The following RGS7 variants were observed in gnomAD, a reference collection of about 807,000 sequenced individuals.
RGS7 encodes regulator of G protein signaling 7, also known as regulator of G-protein signaling 7.
A neutral mutation model predicts 81.1 loss-of-function variants in RGS7; 27 were observed. The observed-to-expected ratio is 0.33, with a 90% CI of 0.25 to 0.46. RGS7 has a LOEUF of 0.46. Among genes scored for constraint, RGS7 ranks in the 20% least tolerant of loss-of-function variants. The pLI is 1.00. For synonymous variants in RGS7, 208 were observed against 207.7 expected, an observed-to-expected ratio of 1.00 and a Z score of -0.01; for missense variants, 396 against 607.4, an observed-to-expected ratio of 0.65 and a Z score of 3.66.
chr1:241,005,520 C>A (rs926197323), intron 3 of RGS7, among the ~76,000 whole-genome samples: 1 of 151,924 alleles, frequency 6.6e-6, no homozygotes, highest in African/African-American at 2.4e-5. Flanking sequence ...CACTTGCTAG[C>A]GTCTGGCTTC....
intron 2 of RGS7, among the ~76,000 whole-genome samples, chr1:241,215,034 T>C (rs2147947952): frequency 6.6e-6 from 1 of 152,328 alleles, no homozygotes; most frequent in South Asian, 2.1e-4. Flanking sequence ...AAATTATTTT[T>C]TCTTGACTAT....
intron 2 of RGS7, among the ~76,000 whole-genome samples, chr1:241,175,446 C>T (rs1375468599): frequency 2.6e-5 from 4 of 152,098 alleles, no homozygotes; most frequent in African/African-American, 7.2e-5. Flanking sequence ...GAATGGTCTC[C>T]CAGGACTCCA....
At chr1:240,793,613 T>TA (rs1558259636) in intron 18 of RGS7, among the ~76,000 whole-genome samples, 94 of 88,338 alleles carry the variant, frequency 1.1e-3, no homozygotes, top group East Asian at 8.4e-3. Flanking sequence ...ATATATATAT[T>TA]TTTTTTTTTT....
intron 2 of RGS7, among the ~76,000 whole-genome samples, chr1:241,280,562 A>G (rs2078444371): frequency 6.6e-6 from 1 of 152,242 alleles, no homozygotes; most frequent in Non-Finnish European, 1.5e-5. Context: ...CAGTGGTGCA[A>G]TCACAGCTCA....
intron 4 of RGS7, among the ~76,000 whole-genome samples, chr1:240,981,350 T>C (rs1337326221): frequency 6.6e-6 from 1 of 152,170 alleles, no homozygotes; most frequent in Non-Finnish European, 1.5e-5. Flanking sequence ...GAGCTCGTGA[T>C]CCACCCACCT....
At chr1:240,782,009 C>G (rs960209061) in intron 18 of RGS7, among the ~76,000 whole-genome samples, 1 of 144,106 alleles carries the variant, frequency 6.9e-6, no homozygotes, top group African/African-American at 2.8e-5. Flanking sequence ...AGTGAGACTC[C>G]GTCTCAAAAA....
rs538775187 is a variant in RGS7, at chr1:240,999,514, C to G, written c.176-16385G>C. Among the ~76,000 whole-genome samples the G allele has an allele frequency of 3.3e-5, 5 of 152,278 alleles. No homozygotes were observed. The South Asian group carries it at 1.0e-3, about 32-fold the overall frequency. ...AAATCTTTGTAAGCTAATCTATTAA[C>G]TCTGTCATCTCAATCTTGACCACTA... On this transcript the variant is annotated intron_variant, in intron 3 of 18. Transcript: ENST00000440928.
intron 2 of RGS7, among the ~76,000 whole-genome samples, chr1:241,251,271 GC>G (rs1468833350): frequency 5.3e-5 from 8 of 152,022 alleles, no homozygotes; most frequent in Admixed American, 5.2e-4. Context: ...TAACTTTGAA[GC>G]CCGGGCTTCA....
At chr1:241,127,556 C>A (rs976792049) in intron 2 of RGS7, among the ~76,000 whole-genome samples, 3 of 151,852 alleles carry the variant, frequency 2.0e-5, no homozygotes, top group African/African-American at 4.8e-5. Flanking sequence ...GTGGGGGGAG[C>A]GGGGAGGGAT....
intron 2 of RGS7, among the ~76,000 whole-genome samples, chr1:241,213,189 A>T (rs2074345893): frequency 6.6e-6 from 1 of 152,200 alleles, no homozygotes; most frequent in East Asian, 1.9e-4. Context: ...GTTTACAAGC[A>T]TGTCCTTGGG....
chr1:241,106,716 CAAA>C (rs757488665), intron 2 of RGS7, among the ~76,000 whole-genome samples: 7 of 34,048 alleles, frequency 2.1e-4, no homozygotes, highest in African/African-American at 3.2e-4. Flanking sequence ...ACTCCGTCTC[CAAA>C]AAAAAAAAAA....
chr1:241,296,606 C>T (rs1356061422), intron 2 of RGS7, among the ~76,000 whole-genome samples: 1 of 152,200 alleles, frequency 6.6e-6, no homozygotes, highest in Non-Finnish European at 1.5e-5. Context: ...GGAAGACGTT[C>T]ATCTCTTGAG....
chr1:241,292,312 AT>A (rs2079135432), intron 2 of RGS7, among the ~76,000 whole-genome samples: 1 of 152,218 alleles, frequency 6.6e-6, no homozygotes, highest in African/African-American at 2.4e-5. Flanking sequence ...ATTATTAAGT[AT>A]TATGTACTGT....
In RGS7 at chr1:241,140,547, G is replaced by A. The variant is rs537294962; in HGVS notation, c.79-41785C>T. Among the ~76,000 whole-genome samples, 5 of 152,248 alleles carry A rather than the reference G, an allele frequency of 3.3e-5. No individual in the cohort carries two copies. In the East Asian group the frequency reaches 9.7e-4, roughly 29 times the overall value. On this transcript the variant is annotated intron_variant, in intron 2 of 18. Transcript: ENST00000440928. ...GCCTGCTGAGTAGCTAGGACTACGG[G>A]CAAGTGCCACCATGCTTGGCTAATT...
At chr1:241,327,130 G>GA (rs1256887903) in intron 2 of RGS7, among the ~76,000 whole-genome samples, 6 of 101,942 alleles carry the variant, frequency 5.9e-5, no homozygotes, top group East Asian at 6.4e-4. Context: ...AAGAAAGAAA[G>GA]AAAGAAAGAA....
intron 10 of RGS7, among the ~76,000 whole-genome samples, chr1:240,821,782 T>C (rs1377749885): frequency 6.6e-6 from 1 of 152,164 alleles, no homozygotes; most frequent in Admixed American, 6.5e-5. Context: ...TGCCATGATG[T>C]CCAAATGAAG....
At chr1:241,124,736 G>A (rs1323866142) in intron 2 of RGS7, among the ~76,000 whole-genome samples, 1 of 152,210 alleles carries the variant, frequency 6.6e-6, no homozygotes, top group Non-Finnish European at 1.5e-5. Context: ...GCAGAAACAG[G>A]AAGGGCCCCC....
At chr1:241,356,780 G>T (rs2083605629) in intron 1 of RGS7, 119 bp downstream of exon 1, 1 of 149,470 alleles carries the variant, frequency 6.7e-6, no homozygotes, top group Admixed American at 6.6e-5. Flanking sequence ...GGGCTCCCGG[G>T]GGCGGCCGCC....
intron 6 of RGS7, among the ~76,000 whole-genome samples, chr1:240,912,577 C>A (rs1671946999): frequency 6.6e-6 from 1 of 152,022 alleles, no homozygotes; most frequent in African/African-American, 2.4e-5. Flanking sequence ...TCAAAATATT[C>A]TAAAGACTTG....
Sources: allele counts gnomAD v4.1 joint callset (sites outside exome capture counted in the v4.1 genomes callset), GRCh38; gene constraint gnomAD v4.1.1; transcripts MANE v1.5; gene names NCBI Gene and HGNC (gene_info 2026-07-23, HGNC 2026-07-21).